TMEM170A: variants seen among roughly 807,000 people sequenced by gnomAD.
TMEM170A encodes the protein transmembrane protein 170A.
TMEM170A carries 18 observed loss-of-function variants against 12.8 expected under a neutral mutation model. That is an observed-to-expected ratio of 1.41 (90% CI 0.97 to 2.09). The LOEUF (loss-of-function observed/expected upper bound fraction) is 2.09, where lower values mean the gene tolerates loss of function less well. Among genes scored for constraint, TMEM170A ranks in the 30% most tolerant of loss-of-function variants. TMEM170A has a pLI of 0.00. For synonymous variants in TMEM170A, 107 were observed against 76.2 expected, an observed-to-expected ratio of 1.40 and a Z score of -2.11; for missense variants, 220 against 179.9, an observed-to-expected ratio of 1.22 and a Z score of -1.28.
At chr16:75,455,875 T>C (rs968296744) in intron 1 of TMEM170A, among the ~76,000 whole-genome samples, 1 of 152,004 alleles carries the variant, frequency 6.6e-6, no homozygotes, top group Non-Finnish European at 1.5e-5. Flanking sequence ...AAGAGACCAG[T>C]CAGGGGCATC....
chr16:75,451,885 G>A, intron 1 of TMEM170A, 46 bp from the exon 2 acceptor site: 1 of 1,535,868 alleles, frequency 6.5e-7, no homozygotes, highest in Non-Finnish European at 8.9e-7. Flanking sequence ...GCCCTTCCCA[G>A]GACAATCATT....
chr16:75,459,562 C>G (rs1011990957), intron 1 of TMEM170A, among the ~76,000 whole-genome samples: 1 of 152,068 alleles, frequency 6.6e-6, no homozygotes, highest in Non-Finnish European at 1.5e-5. Context: ...GATTAACACT[C>G]TTATGTAGTC....
chr16:75,458,125 G>A (rs1354046315), intron 1 of TMEM170A: 2 of 152,078 alleles, frequency 1.3e-5, no homozygotes, highest in African/African-American at 4.8e-5. Context: ...TCAAATCTTT[G>A]TCTACATATC....
intron 1 of TMEM170A, among the ~76,000 whole-genome samples, chr16:75,461,512 T>C (rs1349372138): frequency 2.0e-5 from 3 of 152,246 alleles, no homozygotes; most frequent in African/African-American, 7.2e-5. Context: ...TGGCATACAC[T>C]GCAAGTAACC....
rs1252482067 is a variant in TMEM170A, at chr16:75,451,793, G to T, written c.180C>A (p.Phe60Leu). The change falls in exon 2 of 3, where the codon TTC (phenylalanine) becomes TTA (leucine). Residue 60 changes from phenylalanine to leucine, a missense_variant. Transcript: ENST00000561878. ...CCAGTAATCCAGCAGGGACATGAAA[G>T]AAGAGAGAAGACACCAGTGCCCACA... Reference protein sequence around the residue: ...VFLWALVSSLFFHVPAGLLAL... With the variant: ...VFLWALVSSLLFHVPAGLLAL... 1.9e-6 allele frequency: 3 copies of T among 1,614,000 alleles called. No homozygotes were observed. In the South Asian group the frequency reaches 3.3e-5, roughly 18 times the overall value.
In TMEM170A at chr16:75,447,355, G is replaced by C. The variant is rs2151625163; in HGVS notation, c.*203C>G. ...AAAAGAAAGCCAAAAGACTTGTTTT[G>C]GTTGAGAACAATAGGAGTCCACATA... On this transcript the variant is annotated 3_prime_UTR_variant, in exon 3 of 3. Coordinates refer to ENST00000561878, the MANE Select transcript of TMEM170A (RefSeq NM_145254.3). 3 of 429,036 alleles carry C rather than the reference G, an allele frequency of 7.0e-6. No homozygotes were observed. Among genetic ancestry groups the C allele is most frequent in the South Asian group, 2.0e-4 (2 of 9,928 alleles). 26.6% of individuals were successfully genotyped at this position (429,036 alleles called of 1,614,324 possible). A position where few individuals can be genotyped will look rare whatever the true frequency, so the allele number is the denominator to read the frequency against.
intron 1 of TMEM170A, among the ~76,000 whole-genome samples, chr16:75,454,078 T>C (rs963459574): frequency 1.3e-5 from 2 of 152,186 alleles, no homozygotes; most frequent in Non-Finnish European, 2.9e-5. Flanking sequence ...TTGAGATCAG[T>C]GAAGAGCTTA....
At chr16:75,464,273 G>C in intron 1 of TMEM170A, 195 bp downstream of exon 1, 1 of 1,494,488 alleles carries the variant, frequency 6.7e-7, no homozygotes, top group Non-Finnish European at 8.9e-7. Context: ...GGGACTCCGG[G>C]GCTCCGCCTC....
intron 2 of TMEM170A, among the ~76,000 whole-genome samples, chr16:75,449,628 A>C (rs1026605384): frequency 6.6e-6 from 1 of 152,166 alleles, no homozygotes; most frequent in African/African-American, 2.4e-5. Context: ...ACATTTCACA[A>C]ATGTGATGTG....
At chr16:75,464,700 G>T, upstream of TMEM170A, 5 of 1,447,590 alleles carry the variant, frequency 3.5e-6, no homozygotes, top group Non-Finnish European at 4.5e-6. Context: ...ACCTCCAGCC[G>T]GGGTCCTCTT....
rs1185513527 is a variant in TMEM170A, at chr16:75,456,577, A to G, written c.134-4738T>C. Among the ~76,000 whole-genome samples, 14 of 151,810 alleles carry G rather than the reference A, an allele frequency of 9.2e-5. No homozygotes were observed. In the South Asian group the frequency reaches 2.3e-3, roughly 25 times the overall value. ...CTTGGTCCTCAGGGTTTCAGCCCCC[A>G]CCTCTTCCACAACAAACCCATATCC... is the stretch of plus-strand genomic sequence containing the variant. On this transcript the variant is annotated intron_variant, in intron 1 of 2. Transcript: ENST00000561878.
chr16:75,451,987 T>C (rs1051474134), intron 1 of TMEM170A, 148 bp from the exon 2 acceptor site: 6 of 771,498 alleles, frequency 7.8e-6, no homozygotes, highest in African/African-American at 1.8e-5. Context: ...TTAATTTTTT[T>C]TTGAGACGGA....
intron 1 of TMEM170A, among the ~76,000 whole-genome samples, chr16:75,456,475 G>A (rs2079799466): frequency 2.6e-5 from 4 of 152,068 alleles, no homozygotes; most frequent in Non-Finnish European, 5.9e-5. Flanking sequence ...TAATCCTGGC[G>A]ACTCAGGAGT....
At chr16:75,449,427 A>C (rs1320984425) in intron 2 of TMEM170A, among the ~76,000 whole-genome samples, 1 of 151,564 alleles carries the variant, frequency 6.6e-6, no homozygotes, top group African/African-American at 2.4e-5. Flanking sequence ...TCCTGGGCTC[A>C]AGTGATCCTC....
In TMEM170A at chr16:75,443,764, T is replaced by C. The variant is rs1007551497; in HGVS notation, c.*3794A>G. ...TCTTGTGTATGAACTTAAGTTTTCA[T>C]GAAATGCTTTCACCTCAAAACCCCG... On this transcript the variant is annotated 3_prime_UTR_variant, in exon 3 of 3. Transcript: ENST00000561878. The C allele has an allele frequency of 6.6e-6, 1 of 152,200 alleles. No individual in the cohort carries two copies. Among genetic ancestry groups the C allele is most frequent in the African/African-American group, 2.4e-5 (1 of 41,440 alleles). 9.4% of individuals were successfully genotyped at this position (152,200 alleles called of 1,614,324 possible).
At chr16:75,464,222 C>T in intron 1 of TMEM170A, 1 of 1,504,330 alleles carries the variant, frequency 6.6e-7, no homozygotes, top group Non-Finnish European at 8.8e-7. Context: ...CCCTCCAGCC[C>T]CGGGCCCACC....
At chr16:75,464,715 C>G (rs908604722), upstream of TMEM170A, 2 of 1,383,826 alleles carry the variant, frequency 1.4e-6, no homozygotes, top group Non-Finnish European at 9.5e-7. Context: ...CCTCTTCCCC[C>G]AATCCCAACG....
At chr16:75,451,335 A>G in intron 2 of TMEM170A, 1 of 397,212 alleles carries the variant, frequency 2.5e-6, no homozygotes. Context: ...AGATTGCTTG[A>G]GCTCAGGAGT....
chr16:75,460,545 C>G (rs2079884998), intron 1 of TMEM170A, among the ~76,000 whole-genome samples: 1 of 152,182 alleles, frequency 6.6e-6, no homozygotes. Context: ...GCTCATTACT[C>G]ACTTTCTTCA....
Sources: allele counts gnomAD v4.1 joint callset (sites outside exome capture counted in the v4.1 genomes callset), GRCh38; gene constraint gnomAD v4.1.1; transcripts MANE v1.5; gene names NCBI Gene and HGNC (gene_info 2026-07-23, HGNC 2026-07-21).